Variants in EIF3F observed in about 807,000 individuals in gnomAD.
The protein encoded by EIF3F is deubiquitinating enzyme eIF3f.
Under a neutral mutation model 36.0 loss-of-function variants are expected in EIF3F, and 8 were observed. The observed-to-expected ratio is 0.22, with a 90% CI of 0.13 to 0.40. The LOEUF is 0.40. Among genes scored for constraint, EIF3F ranks in the 10% least tolerant of loss-of-function variants. The pLI is 1.00. For synonymous variants in EIF3F, 184 were observed against 188.5 expected (o/e 0.98, Z 0.19); for missense variants, 430 against 467.6 (o/e 0.92, Z 0.74).
rs773136466 is a variant in EIF3F, at chr11:7,997,205, T to A, written c.*1183T>A. On this transcript the variant is annotated 3_prime_UTR_variant, in exon 8 of 8. Transcript: ENST00000651655. ...GGTAGGGAAATGTAAACAGATCTTA[T>A]CGGCAAAATGATAATGACAGGCCAA... 1 of 152,200 alleles carries A rather than the reference T, an allele frequency of 6.6e-6. No individual in the cohort carries two copies. Among genetic ancestry groups the A allele is most frequent in the South Asian group, 2.1e-4 (1 of 4,836 alleles). The allele number at this position is 152,200 out of a possible 1,614,324, so 9.4% of individuals were successfully genotyped here.
chr11:7,995,430 A>T (rs1184392881), intron 7 of EIF3F, 63 bp downstream of exon 7: 2 of 1,336,508 alleles, frequency 1.5e-6, no homozygotes, highest in Non-Finnish European at 2.2e-6. Context: ...ACATACACTC[A>T]AATGTGAAAA....
Position 7,987,569 on chromosome 11 carries a change from C to G in EIF3F, c.217C>G (p.Pro73Ala), listed in dbSNP as rs763718390. Residue 73 changes from proline to alanine, a missense_variant, in exon 1 of 8, where the codon CCA becomes GCA. Physicochemically the swap from Pro to Ala is conservative, Grantham distance 27. Coordinates refer to ENST00000651655, the MANE Select transcript of EIF3F (RefSeq NM_003754.3). ...CTCAGCGCAAGCTCCAGCGCAGACC[C>G]CAGCGCCCGCTCTGCCTGGTCCTGC... Reference protein sequence around the residue: ...PASAQAPAQTPAPALPGPALP... With the variant: ...PASAQAPAQTAAPALPGPALP... 1.3e-6 allele frequency: 2 copies of G among 1,597,924 alleles called. No homozygotes were observed. The highest frequency in any genetic ancestry group is 1.7e-5 in the Admixed American group (1 of 58,012).
intron 4 of EIF3F, among the ~76,000 whole-genome samples, chr11:7,993,967 A>C (rs976483358): frequency 2.8e-5 from 4 of 144,172 alleles, no homozygotes; most frequent in Non-Finnish European, 6.0e-5. Flanking sequence ...TAATTGACAT[A>C]GTAAAAAGAA....
chr11:7,989,234 A>G (rs1207698251), intron 1 of EIF3F, among the ~76,000 whole-genome samples: 1 of 152,180 alleles, frequency 6.6e-6, no homozygotes, highest in East Asian at 1.9e-4. Flanking sequence ...CTGACTTGAC[A>G]CTCAGCAAAT....
chr11:7,988,873 G>T (rs1366947425), intron 1 of EIF3F, among the ~76,000 whole-genome samples: 2 of 152,210 alleles, frequency 1.3e-5, no homozygotes, highest in Non-Finnish European at 2.9e-5. Context: ...ACAGCTGTTA[G>T]TTGCCATTCA....
Position 8,001,818 on chromosome 11 carries a change from CAA to C in EIF3F, c.*5802_*5803del, listed in dbSNP as rs915609890. The C allele has an allele frequency of 3.3e-5, 5 of 151,480 alleles. No homozygotes were observed. The highest frequency in any genetic ancestry group is 1.2e-4 in the African/African-American group (5 of 41,242). The allele number at this position is 151,480 out of a possible 1,614,324, so 9.4% of individuals were successfully genotyped here. A position where few individuals can be genotyped will look rare whatever the true frequency, so the allele number is the denominator to read the frequency against. On this transcript the variant is annotated 3_prime_UTR_variant, in exon 8 of 8. Coordinates refer to ENST00000651655, the MANE Select transcript of EIF3F (RefSeq NM_003754.3). ...ATTTTATGCTGTTAATGTAATTTTT[CAA>C]AAAAATATATAAAAATATAAAAACA...
At chr11:7,995,663 ATTAC>A in intron 7 of EIF3F, 1 of 581,852 alleles carries the variant, frequency 1.7e-6, no homozygotes, top group South Asian at 2.1e-5. Flanking sequence ...TGAAAATGCA[ATTAC>A]TTATTTCCCC....
rs1328783785 is a variant in EIF3F, at chr11:7,997,143, A to C, written c.*1121A>C. ...TCAGGAAATATAAGTTATGGGAGTCATAAAGTGTGGATAGTAATGATAGAT... is the reference window on the plus strand; with the variant it reads ...TCAGGAAATATAAGTTATGGGAGTCCTAAAGTGTGGATAGTAATGATAGAT... On this transcript the variant is annotated 3_prime_UTR_variant, in exon 8 of 8. Transcript: ENST00000651655. 2 of 152,250 alleles carry C rather than the reference A, an allele frequency of 1.3e-5. No individual in the cohort carries two copies. Among genetic ancestry groups the C allele is most frequent in the African/African-American group, 4.8e-5 (2 of 41,468 alleles). The allele number at this position is 152,250 out of a possible 1,614,324, so 9.4% of individuals were successfully genotyped here. A position where few individuals can be genotyped will look rare whatever the true frequency, so the allele number is the denominator to read the frequency against.
rs962745284 is a variant in EIF3F at position 7,994,930 on chromosome 11, C to T, written c.746-52C>T. ...TTTCCTGGTGGGATGACTGAATTCT[C>T]TCTCTTACTGCCCACCACTGCCGCT... On this transcript the variant is annotated intron_variant, in intron 5 of 7. Transcript: ENST00000651655. The T allele has an allele frequency of 6.2e-6, 10 of 1,600,656 alleles. No homozygotes were observed. The African/African-American group carries it at 1.1e-4, about 17-fold the overall frequency.
At position 7,991,830 on chromosome 11, in the gene EIF3F, G is replaced by A. The variant is rs368962454; in HGVS notation, c.414G>A (p.Pro138=). 2.6e-5 allele frequency: 42 copies of A among 1,613,996 alleles called. No homozygotes were observed. Among genetic ancestry groups the A allele is most frequent in the Middle Eastern group, 1.6e-4 (1 of 6,084 alleles). The change falls in exon 2 of 8, where the codon CCG becomes CCA. Residue 138 remains proline (P), a synonymous_variant. Coordinates refer to ENST00000651655, the MANE Select transcript of EIF3F (RefSeq NM_003754.3). The part of the protein sequence containing the change: ...SVEVTNCFSV[P]HNESEDEVAV... ...AGGTCACCAATTGCTTTTCAGTGCC[G>A]CACAATGAGTCAGAAGATGAAGTGA...
chr11:7,987,985 A>G, intron 1 of EIF3F: 1 of 368,636 alleles, frequency 2.7e-6, no homozygotes, highest in Non-Finnish European at 4.6e-6. Flanking sequence ...TGAATATTTT[A>G]TGCCAGTGGT....
At chr11:7,991,879 G>A (rs1261941315) in intron 2 of EIF3F, 28 bp downstream of exon 2, 24 of 1,613,304 alleles carry the variant, frequency 1.5e-5, no homozygotes, top group Non-Finnish European at 1.9e-5. Flanking sequence ...CTGTCCCTCT[G>A]CAGTTTTTAG....
rs1250841587 is a variant in EIF3F, at chr11:7,991,892, G to C, written c.435+41G>C. Reference sequence around the variant, plus strand: ...AGCTGTCCCTCTGCAGTTTTTAGCTGTTCATTTGCTCGGCTCCCCTCACGG... The same window carrying C: ...AGCTGTCCCTCTGCAGTTTTTAGCTCTTCATTTGCTCGGCTCCCCTCACGG... On this transcript the variant is annotated intron_variant, in intron 2 of 7. Transcript: ENST00000651655. 10 of 1,610,610 alleles carry C rather than the reference G, an allele frequency of 6.2e-6. No homozygotes were observed. The South Asian group carries it at 1.1e-4, about 18-fold the overall frequency.
rs1351441208 is a variant in EIF3F, at chr11:8,001,091, T to C, written c.*5069T>C. 2 of 152,228 alleles carry C rather than the reference T, an allele frequency of 1.3e-5. No individual in the cohort carries two copies. Among genetic ancestry groups the C allele is most frequent in the Admixed American group, 6.5e-5 (1 of 15,286 alleles). 9.4% of individuals were successfully genotyped at this position (152,228 alleles called of 1,614,324 possible). A position where few individuals can be genotyped will look rare whatever the true frequency, so the allele number is the denominator to read the frequency against. ...TTTTAAGGCCAGTAATTTGATACAT[T>C]AGTGTGTAAAGGATATGACCAGACA... is the stretch of plus-strand genomic sequence containing the variant. On this transcript the variant is annotated 3_prime_UTR_variant, in exon 8 of 8. Transcript: ENST00000651655.
rs1436556688 is a variant in EIF3F, at chr11:8,001,183, A to G, written c.*5161A>G. 1 of 152,246 alleles carries G rather than the reference A, an allele frequency of 6.6e-6. No homozygotes were observed. The highest frequency in any genetic ancestry group is 1.5e-5 in the Non-Finnish European group (1 of 68,050). The allele number at this position is 152,246 out of a possible 1,614,324, so 9.4% of individuals were successfully genotyped here. ...CACTGATAAAGCATAAATTAAAACG[A>G]TGTCATTTTTAAAAATCAGATTCGC... On this transcript the variant is annotated 3_prime_UTR_variant, in exon 8 of 8. Transcript: ENST00000651655.
At chr11:7,988,580 G>A (rs1942055131) in intron 1 of EIF3F, among the ~76,000 whole-genome samples, 1 of 152,166 alleles carries the variant, frequency 6.6e-6, no homozygotes, top group African/African-American at 2.4e-5. Context: ...CATGAAATTC[G>A]TTTCCATTCC....
Position 7,991,791 on chromosome 11 carries a change from C to T in EIF3F, c.375C>T (p.Asp125=), listed in dbSNP as rs1329077590. 1 of 1,614,218 alleles carries T rather than the reference C, an allele frequency of 6.2e-7. No individual in the cohort carries two copies. Residue 125 remains aspartate (D), a synonymous_variant, in exon 2 of 8, where the codon GAC becomes GAT. Coordinates refer to ENST00000651655, the MANE Select transcript of EIF3F (RefSeq NM_003754.3). ...TTCTCTCTTTCACAGGAACTGTCGA[C>T]AAACACTCAGTGGAGGTCACCAATT... ...RVIGTLLGTV[D]KHSVEVTNCF...
chr11:7,995,213 T>C (rs1224095210), intron 6 of EIF3F, 41 bp from the exon 7 acceptor site: 2 of 1,607,454 alleles, frequency 1.2e-6, no homozygotes, highest in Non-Finnish European at 8.5e-7. Context: ...GCTCAGTGGT[T>C]ATAATTAACT....
Position 7,992,890 on chromosome 11 carries a change from C to T in EIF3F, c.519C>T (p.Tyr173=), listed in dbSNP as rs777683450. 5 of 1,614,056 alleles carry T rather than the reference C, an allele frequency of 3.1e-6. No homozygotes were observed. Among genetic ancestry groups the T allele is most frequent in the East Asian group, 2.2e-5 (1 of 44,874 alleles). The change falls in exon 4 of 8, where the codon TAC becomes TAT. Residue 173 remains tyrosine (Y), a synonymous_variant. Transcript: ENST00000651655. ...VSPNELILGW[Y]ATGHDITEHS... is the part of the protein sequence containing the mutation. ...ACCACTGTGTTCCATTTCACAGGTA[C>T]GCTACGGGCCATGACATCACAGAGC... is the stretch of plus-strand genomic sequence containing the variant.
Sources: allele counts gnomAD v4.1 joint callset (sites outside exome capture counted in the v4.1 genomes callset), GRCh38; gene constraint gnomAD v4.1.1; transcripts MANE v1.5; gene names NCBI Gene and HGNC (gene_info 2026-07-23, HGNC 2026-07-21).